The following PITPNC1 variants were observed in gnomAD, a reference collection of about 807,000 sequenced individuals.
PITPNC1 encodes the protein cytoplasmic phosphatidylinositol transfer protein 1.
Under a neutral mutation model 44.7 loss-of-function variants are expected in PITPNC1, and 18 were observed. The ratio of observed to expected loss-of-function variants is 0.40; its 90% CI spans 0.28 to 0.60. The LOEUF is 0.60. PITPNC1 is among the 20% of genes least tolerant of loss of function. The pLI is 0.39. For synonymous variants in PITPNC1, 141 were observed against 149.6 expected, an observed-to-expected ratio of 0.94 and a Z score of 0.42; for missense variants, 290 against 418.4, an observed-to-expected ratio of 0.69 and a Z score of 2.68.
chr17:67,567,368 C>T (rs934798618), intron 4 of PITPNC1, among the ~76,000 whole-genome samples: 3 of 152,044 alleles, frequency 2.0e-5, no homozygotes, highest in Non-Finnish European at 2.9e-5. Context: ...CCTATAGTCC[C>T]AGCTAGTCAG....
chr17:67,635,088 A>G (rs1257129923), intron 6 of PITPNC1, among the ~76,000 whole-genome samples: 1 of 151,832 alleles, frequency 6.6e-6, no homozygotes, highest in Non-Finnish European at 1.5e-5. Context: ...CAAAAAAAAT[A>G]ATAATAAATA....
chr17:67,688,876 T>G (rs2144470486), intron 8 of PITPNC1, among the ~76,000 whole-genome samples: 1 of 152,324 alleles, frequency 6.6e-6, no homozygotes, highest in Middle Eastern at 3.4e-3. Context: ...TGGCTTGGCT[T>G]TCTTTCAGTT....
chr17:67,675,687 A>T (rs1249020278), intron 8 of PITPNC1, 145 bp downstream of exon 8: 3 of 654,794 alleles, frequency 4.6e-6, no homozygotes, highest in Non-Finnish European at 8.3e-6. Context: ...CTGTCTGCCA[A>T]GCATAATGAA....
chr17:67,463,669 G>T lies in PITPNC1; in HGVS notation c.49-69133G>T, dbSNP rs145448617. Reference sequence around the variant, plus strand: ...AATCCCAGCACCTTGGGAGGCTGAGGTGGGCAGATAGCTTGAGCTCAGGAG... The same window carrying T: ...AATCCCAGCACCTTGGGAGGCTGAGTTGGGCAGATAGCTTGAGCTCAGGAG... On this transcript the variant is annotated intron_variant, in intron 1 of 8. Coordinates refer to ENST00000581322, the MANE Select transcript of PITPNC1 (RefSeq NM_012417.4). 5.2e-3 allele frequency among the ~76,000 whole-genome samples: 793 copies of T among 152,292 alleles called. 5 individuals carry two copies. Among genetic ancestry groups the T allele is most frequent in the African/African-American group, 0.018 (760 of 41,550 alleles).
chr17:67,488,009 G>A lies in PITPNC1; in HGVS notation c.49-44793G>A, dbSNP rs73347981. 6.0e-3 allele frequency among the ~76,000 whole-genome samples: 910 copies of A among 152,322 alleles called. 9 individuals carry two copies. Among genetic ancestry groups the A allele is most frequent in the African/African-American group, 0.02 (842 of 41,568 alleles). ...TGTCAGTAAAGGAGAAAGCTTACTT[G>A]AAAGGTTTGGATTACCGAGCAGCTC... On this transcript the variant is annotated intron_variant, in intron 1 of 8. Transcript: ENST00000581322.
At chr17:67,517,947 A>G (rs966039101) in intron 1 of PITPNC1, among the ~76,000 whole-genome samples, 6 of 152,246 alleles carry the variant, frequency 3.9e-5, no homozygotes, top group African/African-American at 1.4e-4. Context: ...CTTTAAGATT[A>G]CTTTTTCCAG....
intron 5 of PITPNC1, among the ~76,000 whole-genome samples, chr17:67,600,734 C>G (rs1192810379): frequency 3.3e-5 from 5 of 151,296 alleles, no homozygotes; most frequent in Admixed American, 3.3e-4. Context: ...CTCATAGGAG[C>G]AGAAAAATAT....
At chr17:67,500,951 A>T (rs2040019627) in intron 1 of PITPNC1, among the ~76,000 whole-genome samples, 1 of 152,030 alleles carries the variant, frequency 6.6e-6, no homozygotes, top group Non-Finnish European at 1.5e-5. Context: ...CTGCCTCCCA[A>T]AGTGCTGGAA....
chr17:67,683,977 CAAA>C (rs79101364), intron 8 of PITPNC1, among the ~76,000 whole-genome samples: 126 of 61,594 alleles, frequency 2.0e-3, no homozygotes, highest in Middle Eastern at 0.011. Flanking sequence ...GACTCTGTCT[CAAA>C]AAAAAAAAAA....
intron 4 of PITPNC1, among the ~76,000 whole-genome samples, chr17:67,574,251 G>T (rs2041104099): frequency 6.6e-6 from 1 of 152,174 alleles, no homozygotes; most frequent in Non-Finnish European, 1.5e-5. Flanking sequence ...TTGGATTTGA[G>T]CCCAAGTCAG....
intron 1 of PITPNC1, among the ~76,000 whole-genome samples, chr17:67,404,369 C>T (rs1040480429): frequency 4.6e-5 from 7 of 152,052 alleles, no homozygotes; most frequent in African/African-American, 1.7e-4. Flanking sequence ...TGAGGGAAAC[C>T]TTGATTGTTT....
intron 1 of PITPNC1, among the ~76,000 whole-genome samples, chr17:67,381,353 G>A (rs1801739600): frequency 6.6e-6 from 1 of 150,904 alleles, no homozygotes; most frequent in Admixed American, 6.6e-5. Context: ...AAAAGGGCTG[G>A]GATTACAGGC....
chr17:67,462,432 A>G (rs141328906), intron 1 of PITPNC1, among the ~76,000 whole-genome samples: 224 of 151,760 alleles, frequency 1.5e-3, no homozygotes, highest in East Asian at 0.012. Context: ...GGGTTTCACT[A>G]TGTTGGCCAG....
At chr17:67,436,908 GTTTTTTTTTTTT>G (rs1044625193) in intron 1 of PITPNC1, among the ~76,000 whole-genome samples, 1,277 of 68,466 alleles carry the variant, frequency 0.019, 32 homozygotes, top group African/African-American at 0.065. Flanking sequence ...AAATAGGGGT[GTTTTTTTTTTTT>G]TTTTTTTTTT....
intron 1 of PITPNC1, among the ~76,000 whole-genome samples, chr17:67,430,893 G>A (rs967531828): frequency 2.0e-5 from 3 of 151,918 alleles, no homozygotes; most frequent in Non-Finnish European, 2.9e-5. Flanking sequence ...AGGTTGCAGT[G>A]AGAAATGATC....
At chr17:67,636,281 CAAAA>C (rs4020398) in intron 6 of PITPNC1, among the ~76,000 whole-genome samples, 117 of 77,346 alleles carry the variant, frequency 1.5e-3, no homozygotes, top group African/African-American at 3.6e-3. Context: ...GACTCCGTTT[CAAAA>C]AAAAAAAAAA....
chr17:67,653,627 G>A (rs986529056), intron 6 of PITPNC1, among the ~76,000 whole-genome samples: 1 of 152,172 alleles, frequency 6.6e-6, no homozygotes, highest in Admixed American at 6.6e-5. Context: ...AAATAGGTAC[G>A]AATGAAAAAC....
At chr17:67,497,879 A>G (rs1374736709) in intron 1 of PITPNC1, among the ~76,000 whole-genome samples, 1 of 126,708 alleles carries the variant, frequency 7.9e-6, no homozygotes, top group East Asian at 2.3e-4. Context: ...TTTTTTTTTC[A>G]AGATGGAGTC....
At chr17:67,662,299 C>A (rs146341548) in intron 6 of PITPNC1, among the ~76,000 whole-genome samples, 12,631 of 151,674 alleles carry the variant, frequency 0.083, 546 homozygotes, top group Middle Eastern at 0.17. Flanking sequence ...ACTAAAAATA[C>A]AAAAATTAGC....
Sources: gnomAD v4.1 joint callset for allele counts (sites outside exome capture counted in the v4.1 genomes callset) on GRCh38, gnomAD v4.1.1 for gene constraint, MANE v1.5 for transcripts, NCBI Gene and HGNC (gene_info 2026-07-23, HGNC 2026-07-21) for gene names.